The following SORBS2 variants were observed in gnomAD, a reference collection of about 807,000 sequenced individuals.
SORBS2 encodes the protein sorbin and SH3 domain-containing protein 2.
Under a neutral mutation model 97.7 loss-of-function variants are expected in SORBS2, and 46 were observed. That is an observed-to-expected ratio of 0.47 (90% confidence interval 0.37 to 0.60). The LOEUF (loss-of-function observed/expected upper bound fraction) is 0.60. Ranked by LOEUF, SORBS2 falls within the 20% of genes least tolerant of loss-of-function variation. The probability of loss-of-function intolerance (pLI) is 0.00; values close to 1 mark genes in which losing one functional copy is unlikely to be tolerated. For synonymous variants in SORBS2, 476 were observed against 473.4 expected (o/e 1.01, Z -0.07); for missense variants, 1,316 against 1,282.3 (o/e 1.03, Z -0.40).
At chr4:185,736,120 G>T (rs558609327) in intron 2 of SORBS2, among the ~76,000 whole-genome samples, 1 of 152,312 alleles carries the variant, frequency 6.6e-6, no homozygotes, top group African/African-American at 2.4e-5. Context: ...CTCCACTGCC[G>T]CAGCGCGAGG....
chr4:185,845,939 C>A (rs919993834), intron 1 of SORBS2, among the ~76,000 whole-genome samples: 1 of 151,430 alleles, frequency 6.6e-6, no homozygotes, highest in African/African-American at 2.4e-5. Context: ...GCAACAGGAG[C>A]TCTCATTCAC....
At chr4:185,940,504 G>A (rs1025628657) in intron 1 of SORBS2, among the ~76,000 whole-genome samples, 8 of 152,004 alleles carry the variant, frequency 5.3e-5, no homozygotes, top group African/African-American at 1.9e-4. Flanking sequence ...TCTCTCACTG[G>A]ACTTGCATTC....
chr4:185,903,344 T>A (rs541407916), intron 1 of SORBS2, among the ~76,000 whole-genome samples: 8 of 152,264 alleles, frequency 5.3e-5, no homozygotes, highest in African/African-American at 1.7e-4. Context: ...TGACAGATAC[T>A]CAGTAAGTTG....
intron 4 of SORBS2, among the ~76,000 whole-genome samples, chr4:185,643,519 C>T (rs952361032): frequency 3.9e-5 from 6 of 152,104 alleles, no homozygotes; most frequent in African/African-American, 2.4e-5. Flanking sequence ...AGATTGCCTT[C>T]GCTGTGGTGT....
At chr4:185,775,535 G>A (rs1003969849) in intron 1 of SORBS2, 169 bp from the exon 2 acceptor site, 1 of 152,078 alleles carries the variant, frequency 6.6e-6, no homozygotes, top group African/African-American at 2.4e-5. Context: ...CCCCACTCCA[G>A]GGGGGAGAAA....
chr4:185,731,575 CTTCCCTCT>C, intron 2 of SORBS2, among the ~76,000 whole-genome samples: 1 of 91,764 alleles, frequency 1.1e-5, no homozygotes, highest in Admixed American at 1.2e-4. Context: ...TATCTCTCTC[CTTCCCTCT>C]CTCCCTCCCT....
intron 1 of SORBS2, among the ~76,000 whole-genome samples, chr4:185,876,935 G>C (rs1028829157): frequency 2.0e-5 from 3 of 152,192 alleles, no homozygotes; most frequent in African/African-American, 7.2e-5. Flanking sequence ...TGTTGATAAG[G>C]TTAAAATAAC....
chr4:185,731,162 A>C, intron 2 of SORBS2, among the ~76,000 whole-genome samples: 1 of 152,132 alleles, frequency 6.6e-6, no homozygotes, highest in Non-Finnish European at 1.5e-5. Context: ...TCACTTTACT[A>C]CAGTCTCATC....
chr4:185,677,208 A>T (rs1268107056), intron 4 of SORBS2: 1 of 1,551,486 alleles, frequency 6.4e-7, no homozygotes, highest in African/African-American at 1.4e-5. Flanking sequence ...CCTTTTGAGA[A>T]ATGACGGTAC....
At chr4:185,937,415 A>T (rs568868703) in intron 1 of SORBS2, among the ~76,000 whole-genome samples, 117 of 152,324 alleles carry the variant, frequency 7.7e-4, no homozygotes, top group Admixed American at 1.2e-3. Context: ...TTAGCCATGT[A>T]TCTGAATCCA....
chr4:185,928,367 G>A (rs959666575), intron 1 of SORBS2, among the ~76,000 whole-genome samples: 1 of 152,250 alleles, frequency 6.6e-6, no homozygotes, highest in South Asian at 2.1e-4. Context: ...CCCTGTTGTT[G>A]CACTCCAGCC....
At chr4:185,832,988 C>A (rs2153673992) in intron 1 of SORBS2, among the ~76,000 whole-genome samples, 1 of 152,220 alleles carries the variant, frequency 6.6e-6, no homozygotes, top group East Asian at 1.9e-4. Context: ...TGGCAGAAAC[C>A]TAAAGCAGTT....
At chr4:185,811,314 C>G (rs1036065070) in intron 1 of SORBS2, among the ~76,000 whole-genome samples, 3 of 152,166 alleles carry the variant, frequency 2.0e-5, no homozygotes. Flanking sequence ...GAATACAAGT[C>G]AAAGTGCAGG....
chr4:185,827,356 A>G (rs1447353423), intron 1 of SORBS2, among the ~76,000 whole-genome samples: 2 of 47,656 alleles, frequency 4.2e-5, no homozygotes, highest in African/African-American at 9.1e-5. Flanking sequence ...CATCATCATC[A>G]TCATCATCAT....
At chr4:185,831,125 G>A (rs143015036) in intron 1 of SORBS2, among the ~76,000 whole-genome samples, 120 of 152,196 alleles carry the variant, frequency 7.9e-4, no homozygotes, top group African/African-American at 1.9e-3. Flanking sequence ...ACACTTGATC[G>A]TACACTCTAA....
At chr4:185,602,132 T>G (rs1050165804) in intron 12 of SORBS2, among the ~76,000 whole-genome samples, 1 of 151,248 alleles carries the variant, frequency 6.6e-6, no homozygotes, top group Non-Finnish European at 1.5e-5. Context: ...GCCTCACCCT[T>G]CCGAGTAGCT....
chr4:185,664,472 A>G (rs2097568689), intron 4 of SORBS2, among the ~76,000 whole-genome samples: 1 of 152,168 alleles, frequency 6.6e-6, no homozygotes, highest in South Asian at 2.1e-4. Flanking sequence ...TAAAGTTTTA[A>G]AAGCTAAGAA....
intron 1 of SORBS2, among the ~76,000 whole-genome samples, chr4:185,844,383 A>G (rs755323816): frequency 3.3e-4 from 50 of 152,220 alleles, no homozygotes; most frequent in Non-Finnish European, 6.9e-4. Flanking sequence ...CACCAGTGAA[A>G]TGCAAAACAC....
upstream of SORBS2, chr4:185,657,345 TGCACA>T: frequency 7.5e-7 from 1 of 1,330,248 alleles, no homozygotes; most frequent in South Asian, 1.8e-5. Flanking sequence ...ACCCTAGGAA[TGCACA>T]AAGCCGTGGA....
Sources: gnomAD v4.1 joint callset for allele counts (sites outside exome capture counted in the v4.1 genomes callset) on GRCh38, gnomAD v4.1.1 for gene constraint, MANE v1.5 for transcripts, NCBI Gene and HGNC (gene_info 2026-07-23, HGNC 2026-07-21) for gene names.